The following RASEF variants were observed in gnomAD, a reference collection of about 807,000 sequenced individuals.
RASEF encodes ras and EF-hand domain-containing protein.
In RASEF, 68 loss-of-function variants were observed where a neutral mutation model predicts 90.1. The ratio of observed to expected loss-of-function variants is 0.75; its 90% confidence interval spans 0.62 to 0.92. RASEF has a LOEUF of 0.92. Among genes scored for constraint, RASEF ranks in the 40% least tolerant of loss-of-function variants. The pLI is 0.00. For missense variants in RASEF, 949 were observed against 937.2 expected (o/e 1.01, Z -0.16); for synonymous variants, 331 against 345.2 (o/e 0.96, Z 0.46).
chr9:83,082,309 A>G, the RASEF span, among the ~76,000 whole-genome samples: 2 of 152,218 alleles, frequency 1.3e-5, no homozygotes, highest in Admixed American at 1.3e-4. Context: ...TGACCTATCT[A>G]TCACTCATGG....
chr9:83,016,239 C>T (rs1042932984), intron 3 of RASEF, among the ~76,000 whole-genome samples: 1 of 152,200 alleles, frequency 6.6e-6, no homozygotes, highest in African/African-American at 2.4e-5. Context: ...AAAGACATGG[C>T]ACAGTGACCG....
At chr9:83,088,195 A>T in the RASEF span, among the ~76,000 whole-genome samples, 1 of 152,030 alleles carries the variant, frequency 6.6e-6, no homozygotes, top group East Asian at 1.9e-4. Flanking sequence ...TTTGAGAAGA[A>T]TGTGTATTCT....
intron 3 of RASEF, among the ~76,000 whole-genome samples, chr9:83,019,342 C>T (rs1331524084): frequency 6.6e-6 from 1 of 151,430 alleles, no homozygotes; most frequent in Non-Finnish European, 1.5e-5. Context: ...TATATATATA[C>T]ACATGGCAGA....
chr9:82,990,783 A>G (rs1158889303), intron 15 of RASEF, among the ~76,000 whole-genome samples: 9 of 152,202 alleles, frequency 5.9e-5, no homozygotes, highest in Admixed American at 5.9e-4. Context: ...CGAGACAGAT[A>G]AAAATGAGTT....
chr9:83,025,156 T>C (rs76491874), intron 2 of RASEF, among the ~76,000 whole-genome samples: 4,477 of 152,268 alleles, frequency 0.029, 201 homozygotes, highest in African/African-American at 0.1. Flanking sequence ...AAGCTAGCTA[T>C]GGCTTAAATG....
At position 83,022,346 on chromosome 9, in the gene RASEF, G is replaced by C. The variant is rs1829459748; in HGVS notation, c.659C>G (p.Thr220Arg). ...DQRIQAAEHK[T>R]RKDEKRKAEE... ...AACCCAGAAACTCACGTCTTTCCGTGTCTTATGTTCTGCAGCCTGAATCCT... is the reference window on the plus strand; with the variant it reads ...AACCCAGAAACTCACGTCTTTCCGTCTCTTATGTTCTGCAGCCTGAATCCT... Residue 220 changes from threonine to arginine, a missense_variant, in exon 3 of 17, where the codon ACA becomes AGA. Coordinates refer to ENST00000376447, the MANE Select transcript of RASEF (RefSeq NM_152573.4). The C allele has an allele frequency of 6.2e-7, 1 of 1,613,528 alleles. No homozygotes were observed. Among genetic ancestry groups the C allele is most frequent in the East Asian group, 2.2e-5 (1 of 44,862 alleles).
rs1828586033 is a variant in RASEF at position 82,980,906 on chromosome 9, A to G, written c.*1771T>C. The G allele has an allele frequency of 6.6e-6, 1 of 152,262 alleles. No homozygotes were observed. Among genetic ancestry groups the G allele is most frequent in the Admixed American group, 6.5e-5 (1 of 15,290 alleles). 9.4% of individuals were successfully genotyped at this position (152,262 alleles called of 1,614,324 possible). On this transcript the variant is annotated 3_prime_UTR_variant, in exon 17 of 17. Coordinates refer to ENST00000376447, the MANE Select transcript of RASEF (RefSeq NM_152573.4). The stretch of plus-strand genomic sequence containing the variant: ...ATAGATCCAACTTTCCAGCAAAAAT[A>G]TCAGATGTCTTCAATAGAGAGAAGG...
chr9:83,154,346 G>T, the RASEF span, among the ~76,000 whole-genome samples: 1 of 152,152 alleles, frequency 6.6e-6, no homozygotes, highest in Non-Finnish European at 1.5e-5. Flanking sequence ...CTATTTGACC[G>T]TAAGGTCTCA....
the RASEF span, among the ~76,000 whole-genome samples, chr9:83,079,090 C>T: frequency 6.6e-6 from 1 of 152,124 alleles, no homozygotes; most frequent in Non-Finnish European, 1.5e-5. Flanking sequence ...GCTTTTGTCG[C>T]GATTGCTTTT....
the RASEF span, among the ~76,000 whole-genome samples, chr9:83,157,321 T>C: frequency 5.3e-5 from 8 of 152,240 alleles, no homozygotes; most frequent in Non-Finnish European, 1.2e-4. Flanking sequence ...TCAAAATCCA[T>C]GTGTTGGAAA....
At chr9:83,181,443 A>C in the RASEF span, among the ~76,000 whole-genome samples, 2 of 152,182 alleles carry the variant, frequency 1.3e-5, no homozygotes, top group Admixed American at 6.5e-5. Flanking sequence ...AGATCTTTGG[A>C]TTTTGAAAGG....
the RASEF span, among the ~76,000 whole-genome samples, chr9:83,198,258 C>G: frequency 2.6e-5 from 4 of 152,056 alleles, no homozygotes; most frequent in Non-Finnish European, 5.9e-5. Context: ...ACATTTATAC[C>G]AGTTTATGCT....
intron 1 of RASEF, among the ~76,000 whole-genome samples, 157 bp from the exon 2 acceptor site, chr9:83,026,078 A>T (rs981899456): frequency 6.6e-6 from 1 of 152,196 alleles, no homozygotes; most frequent in African/African-American, 2.4e-5. Context: ...CAGTCAGGAG[A>T]TATGGTTGGA....
intron 2 of RASEF, among the ~76,000 whole-genome samples, chr9:83,025,056 G>T (rs1475783802): frequency 6.6e-6 from 1 of 152,208 alleles, no homozygotes; most frequent in Non-Finnish European, 1.5e-5. Context: ...GTTTTTCCAG[G>T]GGGCAAAGAG....
At chr9:83,127,222 T>G in the RASEF span, among the ~76,000 whole-genome samples, 2 of 152,334 alleles carry the variant, frequency 1.3e-5, no homozygotes, top group African/African-American at 4.8e-5. Flanking sequence ...GCAACAACTA[T>G]AATGTCAAAT....
chr9:83,094,795 C>A, the RASEF span, among the ~76,000 whole-genome samples: 18 of 152,188 alleles, frequency 1.2e-4, no homozygotes, highest in African/African-American at 4.3e-4. Context: ...GACAATGATA[C>A]CTAATTACAT....
chr9:83,066,951 C>T (rs1251257208), upstream of RASEF, among the ~76,000 whole-genome samples: 1 of 152,200 alleles, frequency 6.6e-6, no homozygotes, highest in African/African-American at 2.4e-5. Context: ...TCGTGTTAGA[C>T]AGTGACTAGG....
At chr9:83,096,822 C>G in the RASEF span, among the ~76,000 whole-genome samples, 11 of 151,836 alleles carry the variant, frequency 7.2e-5, no homozygotes, top group East Asian at 5.8e-4. Flanking sequence ...TGATATTCCC[C>G]CTTCCTGTGT....
chr9:83,149,340 G>T, the RASEF span, among the ~76,000 whole-genome samples: 12 of 152,294 alleles, frequency 7.9e-5, no homozygotes, highest in East Asian at 2.3e-3. Flanking sequence ...TAATGCTAAA[G>T]AAATACAGCA....
Sources: allele counts gnomAD v4.1 joint callset (sites outside exome capture counted in the v4.1 genomes callset), GRCh38; gene constraint gnomAD v4.1.1; transcripts MANE v1.5; gene names NCBI Gene and HGNC (gene_info 2026-07-23, HGNC 2026-07-21).